The following CDH13 variants were observed in gnomAD, a reference collection of about 807,000 sequenced individuals.
The protein encoded by CDH13 is cadherin-13.
CDH13 carries 24 observed loss-of-function variants against 63.8 expected under a neutral mutation model. The observed-to-expected ratio is 0.38, with a 90% CI of 0.27 to 0.53. CDH13 has a LOEUF of 0.53. CDH13 is among the 20% of genes least tolerant of loss of function. CDH13 has a pLI of 0.85. For synonymous variants in CDH13, 503 were observed against 355.3 expected (o/e 1.42, Z -4.67); for missense variants, 1,049 against 903.1 (o/e 1.16, Z -2.07).
At chr16:83,248,605 C>G (rs1216055383) in intron 5 of CDH13, among the ~76,000 whole-genome samples, 1 of 152,190 alleles carries the variant, frequency 6.6e-6, no homozygotes. Flanking sequence ...TTTCCTGGTT[C>G]CGTTTCTGTC....
Position 83,602,404 on chromosome 16 carries a change from G to C in CDH13, c.961-50G>C, listed in dbSNP as rs867128335. ...ACACGCCTGCCACCTTTCCAAAGCA[G>C]TAACCCAAATCTAAATGTCATATTA... On this transcript the variant is annotated intron_variant, in intron 7 of 13. Transcript: ENST00000567109. 1.4e-5 allele frequency: 23 copies of C among 1,608,594 alleles called. No homozygotes were observed. In the Middle Eastern group the frequency reaches 2.2e-3, roughly 151 times the overall value.
intron 1 of CDH13, among the ~76,000 whole-genome samples, chr16:82,745,227 T>A (rs1597459045): frequency 6.6e-6 from 1 of 152,182 alleles, no homozygotes; most frequent in Non-Finnish European, 1.5e-5. Context: ...GCCATTCCAA[T>A]GGTAGCCGCT....
chr16:83,578,262 T>A (rs1028214011), intron 7 of CDH13, among the ~76,000 whole-genome samples: 1 of 152,212 alleles, frequency 6.6e-6, no homozygotes, highest in Non-Finnish European at 1.5e-5. Context: ...TCAAATCCTG[T>A]AAAATTAACC....
intron 5 of CDH13, among the ~76,000 whole-genome samples, chr16:83,254,676 A>G (rs1233375203): frequency 1.3e-5 from 2 of 152,204 alleles, no homozygotes; most frequent in African/African-American, 2.4e-5. Flanking sequence ...GATGTGGGGT[A>G]TAAATAAATT....
chr16:83,150,716 A>G (rs1393010236), intron 4 of CDH13, among the ~76,000 whole-genome samples: 1 of 152,158 alleles, frequency 6.6e-6, no homozygotes, highest in African/African-American at 2.4e-5. Context: ...AACTCTTAGG[A>G]ATTAGACAAA....
chr16:82,790,981 T>G (rs993176314), intron 1 of CDH13, among the ~76,000 whole-genome samples: 9 of 152,306 alleles, frequency 5.9e-5, no homozygotes, highest in African/African-American at 2.2e-4. Context: ...CTCACGCCTG[T>G]AATCCCAGCA....
At chr16:83,129,226 C>T (rs2035943497) in intron 4 of CDH13, among the ~76,000 whole-genome samples, 1 of 152,118 alleles carries the variant, frequency 6.6e-6, no homozygotes, top group Admixed American at 6.6e-5. Context: ...CCAAACACCA[C>T]CACGCTCCCA....
intron 13 of CDH13, among the ~76,000 whole-genome samples, chr16:83,788,729 A>T (rs1416252340): frequency 6.6e-6 from 1 of 152,206 alleles, no homozygotes; most frequent in Non-Finnish European, 1.5e-5. Context: ...GCTGTGAAAT[A>T]CCAAATGTGC....
At chr16:82,975,548 G>A (rs1319154377) in intron 2 of CDH13, among the ~76,000 whole-genome samples, 2 of 152,222 alleles carry the variant, frequency 1.3e-5, no homozygotes, top group Non-Finnish European at 2.9e-5. Flanking sequence ...TGCATGCAAA[G>A]CCCCTAATAC....
intron 2 of CDH13, among the ~76,000 whole-genome samples, chr16:82,907,877 G>A (rs2041701266): frequency 6.6e-6 from 1 of 152,134 alleles, no homozygotes; most frequent in Admixed American, 6.5e-5. Flanking sequence ...GTATGTCTTT[G>A]AATGCAAACC....
intron 1 of CDH13, among the ~76,000 whole-genome samples, chr16:82,645,254 C>G (rs1261534198): frequency 6.6e-6 from 1 of 152,178 alleles, no homozygotes; most frequent in African/African-American, 2.4e-5. Flanking sequence ...ATGAAAGCCT[C>G]TGGGGGCAGG....
intron 6 of CDH13, among the ~76,000 whole-genome samples, chr16:83,427,450 C>T (rs1322564869): frequency 2.6e-5 from 4 of 152,218 alleles, no homozygotes; most frequent in East Asian, 1.9e-4. Flanking sequence ...AGGCAAGAAA[C>T]GAATTCTCTT....
rs1916392141 is a variant in CDH13, at chr16:83,031,932, C to T, written c.158-78C>T. ...TTGGGAAACTATGTGGTAATTCACA[C>T]TTAATAGGTCAGAGATATCTCAGAG... On this transcript the variant is annotated intron_variant, in intron 2 of 13. Transcript: ENST00000567109. 9 of 1,143,366 alleles carry T rather than the reference C, an allele frequency of 7.9e-6. No homozygotes were observed. The South Asian group carries it at 1.3e-4, about 16-fold the overall frequency. 70.8% of individuals were successfully genotyped at this position (1,143,366 alleles called of 1,614,324 possible).
chr16:83,474,126 T>C (rs375865381), intron 6 of CDH13, among the ~76,000 whole-genome samples: 2 of 152,178 alleles, frequency 1.3e-5, no homozygotes, highest in South Asian at 2.1e-4. Flanking sequence ...AAAATAGAGA[T>C]GATCTAATTA....
intron 4 of CDH13, among the ~76,000 whole-genome samples, chr16:83,139,989 C>T (rs2036460380): frequency 6.6e-6 from 1 of 152,146 alleles, no homozygotes; most frequent in Non-Finnish European, 1.5e-5. Context: ...GCAACAAGAG[C>T]AAAACTCCAT....
At chr16:83,463,934 A>G (rs763917252) in intron 6 of CDH13, among the ~76,000 whole-genome samples, 3 of 152,204 alleles carry the variant, frequency 2.0e-5, no homozygotes, top group Non-Finnish European at 2.9e-5. Flanking sequence ...AAGGAGAACT[A>G]GAAGTATCAG....
intron 6 of CDH13, among the ~76,000 whole-genome samples, chr16:83,439,873 G>T (rs9806888): frequency 3.3e-4 from 50 of 152,280 alleles, no homozygotes; most frequent in Middle Eastern, 6.8e-3. Context: ...GTCAATCCTT[G>T]GTGTCCTTTC....
intron 5 of CDH13, among the ~76,000 whole-genome samples, chr16:83,330,725 G>C (rs1359643748): frequency 6.6e-6 from 1 of 152,168 alleles, no homozygotes; most frequent in Non-Finnish European, 1.5e-5. Flanking sequence ...CCTGGGAATG[G>C]GGTGGCGTGG....
intron 1 of CDH13, among the ~76,000 whole-genome samples, chr16:82,686,175 G>C (rs915489813): frequency 6.6e-6 from 1 of 152,166 alleles, no homozygotes; most frequent in African/African-American, 2.4e-5. Context: ...CATGTGTTTT[G>C]TGTTTGTGGG....
Sources: allele counts gnomAD v4.1 joint callset (sites outside exome capture counted in the v4.1 genomes callset), GRCh38; gene constraint gnomAD v4.1.1; transcripts MANE v1.5; gene names NCBI Gene and HGNC (gene_info 2026-07-23, HGNC 2026-07-21).